The following CPAP variants were observed in gnomAD, a reference collection of about 807,000 sequenced individuals.
The protein encoded by CPAP is centrosome assembly and centriole elongation protein, also known as centrosomal P4.1-associated protein.
the CPAP span, among the ~76,000 whole-genome samples, chr13:24,904,923 G>C: frequency 6.6e-6 from 1 of 152,148 alleles, no homozygotes; most frequent in Non-Finnish European, 1.5e-5. Flanking sequence ...GTGTACATGC[G>C]TTAGAACAAT....
At chr13:24,916,980 G>A in the CPAP span, among the ~76,000 whole-genome samples, 3 of 152,204 alleles carry the variant, frequency 2.0e-5, no homozygotes, top group Non-Finnish European at 4.4e-5. Context: ...GCCCGGTGCG[G>A]TAGCTCACGC....
At chr13:24,890,909 A>G in the CPAP span, among the ~76,000 whole-genome samples, 1 of 151,460 alleles carries the variant, frequency 6.6e-6, no homozygotes, top group Middle Eastern at 3.4e-3. Flanking sequence ...CTGCGTCAAT[A>G]TTTTCCTCTC....
At chr13:24,910,152 G>A in the CPAP span, 1 of 1,437,176 alleles carries the variant, frequency 7.0e-7, no homozygotes, top group Non-Finnish European at 9.7e-7. Context: ...ATCCCCAGTA[G>A]TGACCCCCAC....
chr13:24,905,761 A>G, the CPAP span: 2 of 1,614,182 alleles, frequency 1.2e-6, no homozygotes, highest in Admixed American at 3.3e-5. Flanking sequence ...AATCTTTATC[A>G]GACAAATCCA....
chr13:24,911,145 T>C, the CPAP span, among the ~76,000 whole-genome samples: 12 of 152,310 alleles, frequency 7.9e-5, no homozygotes, highest in South Asian at 2.5e-3. Flanking sequence ...TTTAAAATGA[T>C]ATAGAACTAG....
chr13:24,883,161 G>T, the CPAP span: 1 of 1,608,712 alleles, frequency 6.2e-7, no homozygotes, highest in Non-Finnish European at 8.5e-7. Context: ...GTTACTTCAT[G>T]ATCACATGAG....
chr13:24,904,587 A>G, the CPAP span, among the ~76,000 whole-genome samples: 15 of 152,248 alleles, frequency 9.9e-5, no homozygotes, highest in Admixed American at 8.5e-4. Flanking sequence ...TAAGTTATAC[A>G]ACTCTGTCAT....
chr13:24,921,049 T>C, the CPAP span, among the ~76,000 whole-genome samples: 3 of 152,130 alleles, frequency 2.0e-5, no homozygotes, highest in African/African-American at 4.8e-5. Context: ...ATCATACAAA[T>C]TGAGTCATTC....
At chr13:24,887,904 C>T in the CPAP span, among the ~76,000 whole-genome samples, 1 of 152,126 alleles carries the variant, frequency 6.6e-6, no homozygotes, top group Non-Finnish European at 1.5e-5. Flanking sequence ...CTCCAAAAAC[C>T]ACAGTTTGTG....
the CPAP span, among the ~76,000 whole-genome samples, chr13:24,926,267 A>G: frequency 6.6e-6 from 1 of 152,140 alleles, no homozygotes; most frequent in African/African-American, 2.4e-5. Flanking sequence ...TCATGGGACA[A>G]CAGTTATCAG....
chr13:24,889,144 G>A, the CPAP span: 1 of 629,958 alleles, frequency 1.6e-6, no homozygotes, highest in Non-Finnish European at 2.8e-6. Flanking sequence ...TATCAGGGTA[G>A]AAATTAACTG....
chr13:24,901,548 C>G, the CPAP span, among the ~76,000 whole-genome samples: 1 of 152,156 alleles, frequency 6.6e-6, no homozygotes, highest in Non-Finnish European at 1.5e-5. Context: ...TGACGATATT[C>G]CCTGCAGAAT....
chr13:24,912,883 A>G, the CPAP span: 3 of 1,614,210 alleles, frequency 1.9e-6, no homozygotes, highest in Non-Finnish European at 2.5e-6. Flanking sequence ...AGAAATGTCC[A>G]CAGCTGCTCG....
the CPAP span, among the ~76,000 whole-genome samples, chr13:24,888,531 GGC>G: frequency 6.6e-6 from 1 of 152,146 alleles, no homozygotes; most frequent in Non-Finnish European, 1.5e-5. Flanking sequence ...GTTAAAGTCT[GGC>G]CAGATCAAGT....
the CPAP span, among the ~76,000 whole-genome samples, chr13:24,899,057 A>AT: frequency 1.3e-5 from 2 of 152,242 alleles, no homozygotes; most frequent in Admixed American, 6.5e-5. Context: ...CTGGTTATTT[A>AT]CAGCCATAAA....
chr13:24,906,001 T>C, the CPAP span: 3 of 1,614,180 alleles, frequency 1.9e-6, no homozygotes, highest in Admixed American at 1.7e-5. Flanking sequence ...AAGTGCTCTT[T>C]TGGACGGCTT....
the CPAP span, among the ~76,000 whole-genome samples, chr13:24,930,555 C>T: frequency 5.3e-3 from 807 of 152,306 alleles, 22 homozygotes; most frequent in East Asian, 0.081. Flanking sequence ...CAAATTTGAA[C>T]ATGCAGTATT....
chr13:24,927,751 T>C, the CPAP span, among the ~76,000 whole-genome samples: 1 of 152,208 alleles, frequency 6.6e-6, no homozygotes, highest in African/African-American at 2.4e-5. Context: ...AATTTCCTAA[T>C]TGCAAGATAA....
At chr13:24,902,381 G>C in the CPAP span, among the ~76,000 whole-genome samples, 1 of 152,286 alleles carries the variant, frequency 6.6e-6, no homozygotes, top group African/African-American at 2.4e-5. Flanking sequence ...GAACGGATTG[G>C]AATAAGTTCC....
Sources: allele counts gnomAD v4.1 joint callset (sites outside exome capture counted in the v4.1 genomes callset), GRCh38; gene constraint gnomAD v4.1.1; transcripts MANE v1.5; gene names NCBI Gene and HGNC (gene_info 2026-07-23, HGNC 2026-07-21).